PTH2R: variants seen among roughly 807,000 people sequenced by gnomAD.
PTH2R encodes the protein parathyroid hormone 2 receptor.
PTH2R carries 59 observed loss-of-function variants against 60.3 expected under a neutral mutation model. That is an observed-to-expected ratio of 0.98 (90% CI 0.79 to 1.22). The LOEUF (loss-of-function observed/expected upper bound fraction) is 1.22. PTH2R is among the 50% of genes most tolerant of loss of function. PTH2R has a pLI of 0.00. For missense variants in PTH2R, 749 were observed against 682.6 expected (o/e 1.10, Z -1.08); for synonymous variants, 256 against 243.8 (o/e 1.05, Z -0.47).
At chr2:208,411,104 G>A (rs1452228746) in intron 1 of PTH2R, among the ~76,000 whole-genome samples, 2 of 152,106 alleles carry the variant, frequency 1.3e-5, no homozygotes, top group Admixed American at 6.6e-5. Flanking sequence ...AAATTAGCTG[G>A]GCATGGTGGC....
intron 2 of PTH2R, among the ~76,000 whole-genome samples, chr2:208,431,856 C>G (rs916082934): frequency 6.6e-6 from 1 of 152,318 alleles, no homozygotes; most frequent in Non-Finnish European, 1.5e-5. Flanking sequence ...AAATGTAGAG[C>G]TTGCTGCTCC....
Position 208,406,981 on chromosome 2 carries a change from A to G in PTH2R, c.-63A>G. The stretch of plus-strand genomic sequence containing the variant: ...TTGCTCTGGGCCAGCCAAGTTGGCA[A>G]CTTGGAAGCTTCTCCCGGGCTCTGG... On this transcript the variant is annotated 5_prime_UTR_variant, in exon 1 of 13. Transcript: ENST00000272847. 4 of 1,328,512 alleles carry G rather than the reference A, an allele frequency of 3.0e-6. No individual in the cohort carries two copies. Among genetic ancestry groups the G allele is most frequent in the Admixed American group, 3.0e-5 (1 of 32,926 alleles). The allele number at this position is 1,328,512 out of a possible 1,614,324, so 82.3% of individuals were successfully genotyped here.
Position 208,445,939 on chromosome 2 carries a change from A to G in PTH2R, c.853+1052A>G, listed in dbSNP as rs553342660. On this transcript the variant is annotated intron_variant, in intron 7 of 12. Coordinates refer to ENST00000272847, the MANE Select transcript of PTH2R (RefSeq NM_005048.4). ...CTTATCTTTGACTAGCAGTTACTGAAAATAAAAAAGATAATATTTTGCTTT... is the reference window on the plus strand; with the variant it reads ...CTTATCTTTGACTAGCAGTTACTGAGAATAAAAAAGATAATATTTTGCTTT... Among the ~76,000 whole-genome samples the G allele has an allele frequency of 1.4e-3, 214 of 152,280 alleles. 1 individual carries two copies. The highest frequency in any genetic ancestry group is 4.3e-3 in the African/African-American group (179 of 41,574).
At chr2:208,384,322 C>G (rs1340061361) in intron 1 of PTH2R, among the ~76,000 whole-genome samples, 2 of 152,058 alleles carry the variant, frequency 1.3e-5, no homozygotes, top group African/African-American at 4.8e-5. Context: ...GTCTGAAAAG[C>G]CTGTAAGAAT....
chr2:208,455,575 A>T (rs10183426), intron 8 of PTH2R, among the ~76,000 whole-genome samples: 1,732 of 152,294 alleles, frequency 0.011, 38 homozygotes, highest in African/African-American at 0.04. Context: ...TTTTGCCTGT[A>T]AACATAAACT....
chr2:208,492,590 T>A (rs1402331696), intron 12 of PTH2R, among the ~76,000 whole-genome samples: 2 of 152,090 alleles, frequency 1.3e-5, no homozygotes, highest in Non-Finnish European at 2.9e-5. Flanking sequence ...CTTATCCCTC[T>A]TGATTTTTAT....
intron 10 of PTH2R, 28 bp downstream of exon 10, chr2:208,481,192 G>C: frequency 6.9e-7 from 1 of 1,459,780 alleles, no homozygotes; most frequent in Non-Finnish European, 9.4e-7. Flanking sequence ...ATCCATCAGA[G>C]GAAATATTTT....
chr2:208,444,671 A>T, intron 6 of PTH2R, 63 bp from the exon 7 acceptor site: 1 of 1,493,804 alleles, frequency 6.7e-7, no homozygotes, highest in Non-Finnish European at 9.1e-7. Flanking sequence ...TTAGTGGTCT[A>T]ATGTTGGCAT....
intron 9 of PTH2R, among the ~76,000 whole-genome samples, chr2:208,469,059 C>T (rs138782484): frequency 2.1e-4 from 32 of 152,272 alleles, no homozygotes; most frequent in Middle Eastern, 3.4e-3. Flanking sequence ...CTACAGCTCA[C>T]GCAGATATAG....
intron 1 of PTH2R, among the ~76,000 whole-genome samples, chr2:208,395,985 A>G (rs1268828884): frequency 3.3e-5 from 5 of 152,234 alleles, no homozygotes; most frequent in Non-Finnish European, 5.9e-5. Flanking sequence ...GGAACAGAAC[A>G]GAGGCCTCAG....
At chr2:208,413,642 A>G (rs909977502) in intron 1 of PTH2R, among the ~76,000 whole-genome samples, 1 of 152,222 alleles carries the variant, frequency 6.6e-6, no homozygotes, top group African/African-American at 2.4e-5. Flanking sequence ...TGGAACATGT[A>G]TTATTTTTAC....
intron 1 of PTH2R, among the ~76,000 whole-genome samples, chr2:208,400,452 A>G (rs1162095746): frequency 6.6e-6 from 1 of 152,208 alleles, no homozygotes; most frequent in African/African-American, 2.4e-5. Context: ...TTCCAGGGGT[A>G]GCAAGAGCTA....
intron 9 of PTH2R, among the ~76,000 whole-genome samples, chr2:208,478,606 T>C (rs1703073882): frequency 6.6e-6 from 1 of 152,228 alleles, no homozygotes; most frequent in Non-Finnish European, 1.5e-5. Flanking sequence ...AGATCTACTG[T>C]TTTTTGTTCT....
chr2:208,430,248 T>C (rs981916051), intron 2 of PTH2R, among the ~76,000 whole-genome samples: 3 of 152,170 alleles, frequency 2.0e-5, no homozygotes, highest in Non-Finnish European at 4.4e-5. Flanking sequence ...TCTTTAGTTC[T>C]ACCTTAATTT....
At chr2:208,362,413 T>G (rs1700493294) in intron 1 of PTH2R, among the ~76,000 whole-genome samples, 1 of 152,222 alleles carries the variant, frequency 6.6e-6, no homozygotes, top group Non-Finnish European at 1.5e-5. Context: ...CTCATATATA[T>G]ATCAATGTCT....
Position 208,416,987 on chromosome 2 carries a change from G to A in PTH2R, c.75+9869G>A, listed in dbSNP as rs544958741. On this transcript the variant is annotated intron_variant, in intron 1 of 12. Transcript: ENST00000272847. ...CTTTATATATATATCTATTCCATTA[G>A]TTCTGTCCCTCTAGAGATCCTTGAC... Among the ~76,000 whole-genome samples the A allele has an allele frequency of 3.3e-5, 5 of 152,218 alleles. No homozygotes were observed. In the East Asian group the frequency reaches 9.6e-4, roughly 29 times the overall value.
At chr2:208,444,289 T>A (rs961791938) in intron 6 of PTH2R, among the ~76,000 whole-genome samples, 2 of 152,232 alleles carry the variant, frequency 1.3e-5, no homozygotes, top group Non-Finnish European at 2.9e-5. Flanking sequence ...CACAGATTTC[T>A]AAGATATGTT....
intron 1 of PTH2R, among the ~76,000 whole-genome samples, chr2:208,401,009 A>T (rs777979895): frequency 6.6e-6 from 1 of 152,226 alleles, no homozygotes; most frequent in African/African-American, 2.4e-5. Context: ...GGTATGATAC[A>T]TGAGAGTTAG....
At chr2:208,394,940 T>C (rs911252746) in intron 1 of PTH2R, among the ~76,000 whole-genome samples, 1 of 152,198 alleles carries the variant, frequency 6.6e-6, no homozygotes, top group African/African-American at 2.4e-5. Context: ...TTGCTGCTGA[T>C]GGGACAATAA....
Sources: allele counts gnomAD v4.1 joint callset (sites outside exome capture counted in the v4.1 genomes callset), GRCh38; gene constraint gnomAD v4.1.1; transcripts MANE v1.5; gene names NCBI Gene and HGNC (gene_info 2026-07-23, HGNC 2026-07-21).